GLYATL3: variants seen among roughly 807,000 people sequenced by gnomAD.
GLYATL3 encodes glycine-N-acyltransferase like 3.
Under a neutral mutation model 28.5 loss-of-function variants are expected in GLYATL3, and 31 were observed. The observed-to-expected ratio is 1.09, with a 90% confidence interval of 0.82 to 1.47. The LOEUF is 1.47. Among genes scored for constraint, GLYATL3 ranks in the 40% most tolerant of loss-of-function variants. The probability of loss-of-function intolerance (pLI) is 0.00; values close to 1 mark genes in which losing one functional copy is unlikely to be tolerated. For missense variants in GLYATL3, 369 were observed against 351.5 expected, an observed-to-expected ratio of 1.05 and a Z score of -0.40; for synonymous variants, 141 against 140.2, an observed-to-expected ratio of 1.01 and a Z score of -0.04.
intron 1 of GLYATL3, among the ~76,000 whole-genome samples, chr6:49,500,521 G>A (rs1407622428): frequency 6.6e-6 from 1 of 152,166 alleles, no homozygotes; most frequent in Non-Finnish European, 1.5e-5. Flanking sequence ...CCAGGAGAGT[G>A]TCATGCTTTC....
At chr6:49,520,493 G>A (rs940772157) in intron 4 of GLYATL3, among the ~76,000 whole-genome samples, 5 of 152,124 alleles carry the variant, frequency 3.3e-5, no homozygotes, top group Admixed American at 6.5e-5. Context: ...CCAAGGCTCC[G>A]ATACCACACT....
intron 4 of GLYATL3, 62 bp downstream of exon 4, chr6:49,517,618 G>A: frequency 8.6e-7 from 1 of 1,163,714 alleles, no homozygotes; most frequent in Non-Finnish European, 1.2e-6. Flanking sequence ...CATATATCCA[G>A]ATAGTTATAG....
intron 1 of GLYATL3, among the ~76,000 whole-genome samples, chr6:49,503,522 A>T (rs138393217): frequency 6.6e-6 from 1 of 152,224 alleles, no homozygotes; most frequent in African/African-American, 2.4e-5. Flanking sequence ...GATAAGTAAT[A>T]TCATAGAGAA....
At chr6:49,516,957 A>T (rs1297220382) in intron 3 of GLYATL3, among the ~76,000 whole-genome samples, 1 of 151,644 alleles carries the variant, frequency 6.6e-6, no homozygotes, top group Non-Finnish European at 1.5e-5. Context: ...GGAGATCAAG[A>T]CCATCCTGGC....
intron 2 of GLYATL3, among the ~76,000 whole-genome samples, chr6:49,515,433 A>G (rs1458635823): frequency 6.6e-6 from 1 of 152,196 alleles, no homozygotes; most frequent in Non-Finnish European, 1.5e-5. Flanking sequence ...AAGAGTTTTT[A>G]TAGGATTTCA....
intron 5 of GLYATL3, among the ~76,000 whole-genome samples, chr6:49,522,550 A>G (rs1769335444): frequency 1.3e-5 from 2 of 152,204 alleles, no homozygotes. Flanking sequence ...TGATGTCTTG[A>G]TAAATGTATA....
intron 1 of GLYATL3, among the ~76,000 whole-genome samples, chr6:49,506,561 T>C (rs1248516963): frequency 6.6e-6 from 1 of 152,150 alleles, no homozygotes; most frequent in Non-Finnish European, 1.5e-5. Context: ...GGCCATTCCT[T>C]AGCAATCATG....
At chr6:49,512,333 T>A (rs563875801) in intron 2 of GLYATL3, among the ~76,000 whole-genome samples, 1 of 150,198 alleles carries the variant, frequency 6.7e-6, no homozygotes, top group African/African-American at 2.5e-5. Context: ...GTGCTGAATG[T>A]GCAGATTTGT....
At chr6:49,522,404 G>A (rs1023260939) in intron 5 of GLYATL3, among the ~76,000 whole-genome samples, 6 of 151,966 alleles carry the variant, frequency 3.9e-5, no homozygotes, top group Non-Finnish European at 7.4e-5. Context: ...TTCTTCTTTT[G>A]GAGTCCCTGC....
rs547616544 is a variant in GLYATL3 at position 49,516,967 on chromosome 6, C to G, written c.187-463C>G. On this transcript the variant is annotated intron_variant, in intron 3 of 5. Coordinates refer to ENST00000371197, the MANE Select transcript of GLYATL3 (RefSeq NM_001010904.2). The stretch of plus-strand genomic sequence containing the variant: ...GGTCAGGAGATCAAGACCATCCTGG[C>G]CAACACGGTGAAACCCCATCTCTAC... 9.2e-5 allele frequency among the ~76,000 whole-genome samples: 14 copies of G among 151,452 alleles called. No homozygotes were observed. The East Asian group carries it at 2.2e-3, about 24-fold the overall frequency.
At chr6:49,509,948 C>CT (rs68151540) in intron 1 of GLYATL3, among the ~76,000 whole-genome samples, 1,295 of 100,242 alleles carry the variant, frequency 0.013, 12 homozygotes, top group South Asian at 0.023. Context: ...TATTTTCTTT[C>CT]TCTTTCTTTC....
intron 2 of GLYATL3, among the ~76,000 whole-genome samples, chr6:49,515,260 A>T (rs1480612): frequency 3.3e-5 from 5 of 151,910 alleles, no homozygotes; most frequent in Admixed American, 3.3e-4. Flanking sequence ...CTGAGCATCA[A>T]AATTATTTGC....
At chr6:49,518,576 C>T (rs1039042004) in intron 4 of GLYATL3, among the ~76,000 whole-genome samples, 3 of 152,098 alleles carry the variant, frequency 2.0e-5, no homozygotes, top group Non-Finnish European at 2.9e-5. Context: ...GGAAAAGCTT[C>T]TATCCACCTG....
intron 5 of GLYATL3, 148 bp downstream of exon 5, chr6:49,521,919 G>A: frequency 3.2e-6 from 2 of 625,190 alleles, no homozygotes; most frequent in South Asian, 4.5e-5. Context: ...GTGTGTGAGT[G>A]TGTGTGTGTG....
chr6:49,505,082 T>C (rs1768986528), intron 1 of GLYATL3, among the ~76,000 whole-genome samples: 1 of 152,212 alleles, frequency 6.6e-6, no homozygotes, highest in East Asian at 1.9e-4. Flanking sequence ...TATTTATGTT[T>C]AAGACCTGAG....
At chr6:49,510,417 T>C (rs1325329479) in intron 1 of GLYATL3, among the ~76,000 whole-genome samples, 1 of 152,184 alleles carries the variant, frequency 6.6e-6, no homozygotes, top group Admixed American at 6.6e-5. Flanking sequence ...TCAACAAATG[T>C]TCTAATTCGT....
Position 49,517,425 on chromosome 6 carries a change from C to A in GLYATL3, c.187-5C>A. On this transcript the variant is annotated splice_polypyrimidine_tract_variant and splice_region_variant and intron_variant, in intron 3 of 5. Transcript: ENST00000371197. ...ATGTTTTTGTGATTATGTCTTCTGTCCTAGGCTGAGACAGATAACCTTGAT... is the reference window on the plus strand; with the variant it reads ...ATGTTTTTGTGATTATGTCTTCTGTACTAGGCTGAGACAGATAACCTTGAT... The A allele has an allele frequency of 6.5e-7, 1 of 1,532,744 alleles. No individual in the cohort carries two copies. Among genetic ancestry groups the A allele is most frequent in the East Asian group, 2.5e-5 (1 of 40,028 alleles). The allele number at this position is 1,532,744 out of a possible 1,614,324, so 94.9% of individuals were successfully genotyped here.
Position 49,526,728 on chromosome 6 carries a change from C to A in GLYATL3, c.681C>A (p.Ser227Arg). 1.3e-6 allele frequency: 2 copies of A among 1,551,756 alleles called. No individual in the cohort carries two copies. The highest frequency in any genetic ancestry group is 1.7e-6 in the Non-Finnish European group (2 of 1,147,008). The change falls in exon 6 of 6, where the codon AGC (serine) becomes AGA (arginine). Residue 227 changes from serine to arginine, a missense_variant. Ser to Arg is a moderately radical substitution (Grantham distance 110). Coordinates refer to ENST00000371197, the MANE Select transcript of GLYATL3 (RefSeq NM_001010904.2). ...TLPEHRRKGYSRLVALTLARK... is the reference protein window; with the variant it reads ...TLPEHRRKGYRRLVALTLARK... The stretch of plus-strand genomic sequence containing the variant: ...CAGAACATCGCAGGAAAGGTTACAG[C>A]CGGCTGGTGGCCCTCACGCTGGCCA...
chr6:49,521,916 AGTGT>A (rs1019236697), intron 5 of GLYATL3, 145 bp downstream of exon 5: 2 of 644,572 alleles, frequency 3.1e-6, no homozygotes, highest in East Asian at 2.8e-5. Flanking sequence ...TATGTGTGTG[AGTGT>A]GTGTGTGTGT....
Sources: allele counts gnomAD v4.1 joint callset (sites outside exome capture counted in the v4.1 genomes callset), GRCh38; gene constraint gnomAD v4.1.1; transcripts MANE v1.5; gene names NCBI Gene and HGNC (gene_info 2026-07-23, HGNC 2026-07-21).